DDX60: variants seen among roughly 807,000 people sequenced by gnomAD.
DDX60 encodes the protein DExD/H-box helicase 60.
DDX60 carries 165 observed loss-of-function variants against 212.8 expected under a neutral mutation model. The observed-to-expected ratio is 0.78, with a 90% CI of 0.68 to 0.88. The LOEUF (loss-of-function observed/expected upper bound fraction) is 0.88. Among genes scored for constraint, DDX60 ranks in the 40% least tolerant of loss-of-function variants. DDX60 has a pLI of 0.00. For synonymous variants in DDX60, 703 were observed against 685.3 expected (o/e 1.03, Z -0.40); for missense variants, 1,905 against 2,003.9 (o/e 0.95, Z 0.94).
In DDX60 at chr4:168,306,532, G is replaced by T; in HGVS notation, c.453C>A (p.Asn151Lys). The T allele has an allele frequency of 1.9e-6, 3 of 1,614,114 alleles. No individual in the cohort carries two copies. The highest frequency in any genetic ancestry group is 2.5e-6 in the Non-Finnish European group (3 of 1,180,016). Residue 151 changes from asparagine to lysine, a missense_variant, in exon 5 of 38, where the codon AAC becomes AAA. By Grantham distance (94) the Asn-to-Lys change is moderately conservative (BLOSUM62 0). Transcript: ENST00000393743. ...YFLIVADEGL[N>K]DLQTQLFNFL... ...AGTTGAAAAGCTGTGTTTGTAGATC[G>T]TTCAGGCCTTCGTCTGCAACTATCA... is the stretch of plus-strand genomic sequence containing the variant.
chr4:168,321,517 C>G (rs1255983515), upstream of DDX60, among the ~76,000 whole-genome samples: 2 of 152,018 alleles, frequency 1.3e-5, no homozygotes, highest in East Asian at 3.8e-4. Flanking sequence ...TTTCTGTTCC[C>G]CTCAGCCTTC....
In DDX60 at chr4:168,218,729, G is replaced by A. The variant is rs371388605; in HGVS notation, c.5040-1697C>T. ...TCTGTCAAATGCCCATAATCTCCAT[G>A]TTGACATAGTGAGCTTGGAGTCTAT... On this transcript the variant is annotated intron_variant, in intron 37 of 37. Transcript: ENST00000393743. 3.9e-5 allele frequency among the ~76,000 whole-genome samples: 6 copies of A among 152,166 alleles called. 1 individual carries two copies. The highest frequency in any genetic ancestry group is 1.4e-4 in the African/African-American group (6 of 41,536).
chr4:168,305,161 C>A (rs1341149927), intron 5 of DDX60, among the ~76,000 whole-genome samples: 2 of 152,168 alleles, frequency 1.3e-5, no homozygotes, highest in African/African-American at 4.8e-5. Flanking sequence ...GAACAGTAGG[C>A]TACATCAGAT....
intron 1 of DDX60, among the ~76,000 whole-genome samples, chr4:168,313,569 T>C (rs1737234307): frequency 6.6e-6 from 1 of 151,968 alleles, no homozygotes; most frequent in Admixed American, 6.6e-5. Context: ...CAAGCTCAAA[T>C]GGAAAAAAAT....
At chr4:168,229,314 T>A (rs1167217266) in intron 33 of DDX60, among the ~76,000 whole-genome samples, 1 of 151,968 alleles carries the variant, frequency 6.6e-6, no homozygotes, top group Non-Finnish European at 1.5e-5. Flanking sequence ...AAGTGAAATA[T>A]AGGTGTAGAG....
intron 33 of DDX60, among the ~76,000 whole-genome samples, chr4:168,226,128 C>G (rs1733246176): frequency 6.6e-6 from 1 of 152,020 alleles, no homozygotes; most frequent in African/African-American, 2.4e-5. Context: ...TTTTCACTTA[C>G]ATTCATGAAA....
In DDX60 at chr4:168,283,446, G is replaced by C. The variant is rs150794038; in HGVS notation, c.1722C>G (p.His574Gln). 6.2e-7 allele frequency: 1 copy of C among 1,612,832 alleles called. No individual in the cohort carries two copies. The highest frequency in any genetic ancestry group is 1.1e-5 in the South Asian group (1 of 90,926). ...DFSGPKSKKAHETKAEIIARE... is the reference protein window; with the variant it reads ...DFSGPKSKKAQETKAEIIARE... Reference sequence around the variant, plus strand: ...ATTGGATAGAATTTATAGAACCTACGTGTGCCTTTTTGCTCTTGGGCCCAC... The same window carrying C: ...ATTGGATAGAATTTATAGAACCTACCTGTGCCTTTTTGCTCTTGGGCCCAC... The change falls in exon 13 of 38, where the codon CAC becomes CAG. Residue 574 changes from histidine to glutamine, a missense_variant and splice_region_variant. By Grantham distance (24) the His-to-Gln change is conservative. Transcript: ENST00000393743.
chr4:168,275,123 G>A (rs911154108), intron 16 of DDX60, among the ~76,000 whole-genome samples: 7 of 152,034 alleles, frequency 4.6e-5, no homozygotes, highest in Non-Finnish European at 2.9e-5. Context: ...CTAAACATAT[G>A]ACTCCATTAA....
intron 22 of DDX60, among the ~76,000 whole-genome samples, chr4:168,266,904 G>A (rs1734871070): frequency 6.6e-6 from 1 of 152,052 alleles, no homozygotes; most frequent in African/African-American, 2.4e-5. Context: ...ATCTTATGAT[G>A]GATGTCTTAT....
intron 6 of DDX60, among the ~76,000 whole-genome samples, chr4:168,297,121 G>A (rs1736379520): frequency 1.3e-5 from 2 of 151,952 alleles, no homozygotes; most frequent in Admixed American, 1.3e-4. Context: ...ATGATGGTGA[G>A]AATGGTCTCA....
At chr4:168,245,017 C>A (rs1486570577) in intron 30 of DDX60, among the ~76,000 whole-genome samples, 1 of 152,036 alleles carries the variant, frequency 6.6e-6, no homozygotes, top group Non-Finnish European at 1.5e-5. Flanking sequence ...TTAAAAAATA[C>A]CTGAGCATTG....
intron 25 of DDX60, 61 bp downstream of exon 25, chr4:168,260,804 G>C: frequency 6.8e-7 from 1 of 1,466,650 alleles, no homozygotes; most frequent in Non-Finnish European, 9.4e-7. Flanking sequence ...GGGGACCTCT[G>C]CCTTAAAGGA....
At chr4:168,239,910 G>A (rs1241362479) in intron 30 of DDX60, among the ~76,000 whole-genome samples, 1 of 151,720 alleles carries the variant, frequency 6.6e-6, no homozygotes, top group Non-Finnish European at 1.5e-5. Context: ...AAGTTGTTTT[G>A]AAAAAATACT....
chr4:168,317,001 T>C (rs1167397112), intron 1 of DDX60, among the ~76,000 whole-genome samples: 1 of 135,734 alleles, frequency 7.4e-6, no homozygotes, highest in Admixed American at 8.4e-5. Flanking sequence ...GAGGTTGCAG[T>C]GAACTGAGAT....
intron 12 of DDX60, among the ~76,000 whole-genome samples, chr4:168,283,986 C>T (rs570737653): frequency 3.3e-5 from 5 of 152,192 alleles, no homozygotes; most frequent in Admixed American, 1.3e-4. Context: ...ATCCTTACTC[C>T]GGACCATAGC....
Position 168,273,302 on chromosome 4 carries a change from G to A in DDX60, c.2551C>T (p.Arg851Cys), listed in dbSNP as rs1735182472. ...ACCTGACAGTTTAAGGCATCATGAC[G>A]ATACTCCCTGGTGAAAACACCACAG... ...VLCGVFTREY[R>C]HDALNCQVLI... The change falls in exon 18 of 38, where the codon CGT (arginine) becomes TGT (cysteine). Residue 851 changes from arginine to cysteine, a missense_variant. By Grantham distance (180) the Arg-to-Cys change is radical (BLOSUM62 -3). Coordinates refer to ENST00000393743, the MANE Select transcript of DDX60 (RefSeq NM_017631.6). 5.0e-6 allele frequency: 8 copies of A among 1,613,566 alleles called. No homozygotes were observed. Among genetic ancestry groups the A allele is most frequent in the Non-Finnish European group, 6.8e-6 (8 of 1,179,740 alleles).
In DDX60 at chr4:168,291,822, G is replaced by A. The variant is rs199755722; in HGVS notation, c.967C>T (p.Pro323Ser). Residue 323 changes from proline (P) to serine (S), a missense_variant, in exon 8 of 38, where the codon CCT (proline) becomes TCT (serine). By Grantham distance (74) the Pro-to-Ser change is moderately conservative. Transcript: ENST00000393743. The part of the protein sequence containing the change: ...CLTVVFLLHL[P>S]LSQRACARVI... ...CTAGCACAAGCTCTTTGAGAAAGAG[G>A]CAGATGGAGTAGAAAAACCACAGTG... The A allele has an allele frequency of 6.2e-7, 1 of 1,613,758 alleles. No individual in the cohort carries two copies. Among genetic ancestry groups the A allele is most frequent in the Non-Finnish European group, 8.5e-7 (1 of 1,179,810 alleles).
At position 168,311,005 on chromosome 4, in the gene DDX60, T is replaced by C. The variant is rs1737106089; in HGVS notation, c.67A>G (p.Lys23Glu). The change falls in exon 3 of 38, where the codon AAA (lysine) becomes GAA (glutamate). Residue 23 changes from lysine to glutamate, a missense_variant. Coordinates refer to ENST00000393743, the MANE Select transcript of DDX60 (RefSeq NM_017631.6). ...TACTATAATAATACTCACTCAGCTT[T>C]TGGCATTTCATTCAAAATTAACTGG... ...MSQLILNEMPKAEYSSLFNDF... is the reference protein window; with the variant it reads ...MSQLILNEMPEAEYSSLFNDF... 6.4e-7 allele frequency: 1 copy of C among 1,560,878 alleles called. No homozygotes were observed. Among genetic ancestry groups the C allele is most frequent in the East Asian group, 2.2e-5 (1 of 44,516 alleles).
At chr4:168,289,820 T>C (rs982703578) in intron 8 of DDX60, among the ~76,000 whole-genome samples, 3 of 152,170 alleles carry the variant, frequency 2.0e-5, no homozygotes, top group African/African-American at 7.2e-5. Flanking sequence ...TTCTTCACCT[T>C]AAATAACTCT....
Sources: gnomAD v4.1 joint callset for allele counts (sites outside exome capture counted in the v4.1 genomes callset) on GRCh38, gnomAD v4.1.1 for gene constraint, MANE v1.5 for transcripts, NCBI Gene and HGNC (gene_info 2026-07-23, HGNC 2026-07-21) for gene names.